CDH13: variants seen among roughly 807,000 people sequenced by gnomAD.
The protein encoded by CDH13 is cadherin-13.
CDH13 carries 24 observed loss-of-function variants against 63.8 expected under a neutral mutation model. The observed-to-expected ratio is 0.38, with a 90% CI of 0.27 to 0.53. CDH13 has a LOEUF of 0.53. CDH13 is among the 20% of genes least tolerant of loss of function. The pLI, the probability that CDH13 is intolerant of heterozygous loss-of-function variation, is 0.85. For missense variants in CDH13, 1,049 were observed against 903.1 expected (o/e 1.16, Z -2.07); for synonymous variants, 503 against 355.3 (o/e 1.42, Z -4.67).
At chr16:83,698,738 G>A (rs764779296) in intron 10 of CDH13, among the ~76,000 whole-genome samples, 2 of 152,234 alleles carry the variant, frequency 1.3e-5, no homozygotes, top group African/African-American at 2.4e-5. Context: ...GTCTTGCCCT[G>A]TATTGTCTTC....
chr16:83,527,365 C>T (rs1353651927), intron 7 of CDH13, among the ~76,000 whole-genome samples: 3 of 151,716 alleles, frequency 2.0e-5, no homozygotes, highest in African/African-American at 2.4e-5. Context: ...AGGAGAATGG[C>T]GTGAACCCAG....
At chr16:82,913,239 G>C (rs7206771) in intron 2 of CDH13, among the ~76,000 whole-genome samples, 2,361 of 152,140 alleles carry the variant, frequency 0.016, 57 homozygotes, top group African/African-American at 0.054. Flanking sequence ...TTTTCCAAAG[G>C]GCAGGTAGCA....
At position 83,086,251 on chromosome 16, in the gene CDH13, A is replaced by G. The variant is rs142905469; in HGVS notation, c.367-39134A>G. Reference sequence around the variant, plus strand: ...ACAAAACAGTCAAGACATTTCCCCAAGCAAACTCAGAAAAATATTAAGCCT... The same window carrying G: ...ACAAAACAGTCAAGACATTTCCCCAGGCAAACTCAGAAAAATATTAAGCCT... On this transcript the variant is annotated intron_variant, in intron 3 of 13. Coordinates refer to ENST00000567109, the MANE Select transcript of CDH13 (RefSeq NM_001257.5). Among the ~76,000 whole-genome samples, 29 of 152,340 alleles carry G rather than the reference A, an allele frequency of 1.9e-4. No homozygotes were observed. The East Asian group carries it at 5.0e-3, about 26-fold the overall frequency.
chr16:82,669,892 C>T (rs950080421), intron 1 of CDH13, among the ~76,000 whole-genome samples: 1 of 152,208 alleles, frequency 6.6e-6, no homozygotes, highest in Non-Finnish European at 1.5e-5. Context: ...AAATATTTCT[C>T]CTGGCCCCAT....
chr16:83,109,373 C>G (rs1236650337), intron 3 of CDH13, among the ~76,000 whole-genome samples: 1 of 152,116 alleles, frequency 6.6e-6, no homozygotes, highest in Admixed American at 6.5e-5. Flanking sequence ...TGCAGGAAAC[C>G]CCATGGCTTT....
intron 4 of CDH13, among the ~76,000 whole-genome samples, chr16:83,167,651 C>T (rs1460102562): frequency 6.6e-6 from 1 of 151,746 alleles, no homozygotes. Flanking sequence ...CCAAAGCTCT[C>T]GTATCAATTC....
chr16:83,308,363 G>A lies in CDH13; in HGVS notation c.637-36499G>A, dbSNP rs545708965. Among the ~76,000 whole-genome samples the A allele has an allele frequency of 3.9e-3, 588 of 152,246 alleles. 3 individuals carry two copies. Among genetic ancestry groups the A allele is most frequent in the African/African-American group, 0.013 (547 of 41,556 alleles). ...TTGATCGAGAAAATATAAATGATGA[G>A]GCTAAACTCATATTTGAGATGTTCT... is the stretch of plus-strand genomic sequence containing the variant. On this transcript the variant is annotated intron_variant, in intron 5 of 13. Transcript: ENST00000567109.
At chr16:83,340,293 T>C (rs2090692613) in intron 5 of CDH13, among the ~76,000 whole-genome samples, 1 of 123,244 alleles carries the variant, frequency 8.1e-6, no homozygotes, top group East Asian at 2.5e-4. Context: ...TACATATGTC[T>C]GCCTACATCT....
chr16:83,217,317 T>A, intron 4 of CDH13, 28 bp from the exon 5 acceptor site: 1 of 1,613,076 alleles, frequency 6.2e-7, no homozygotes, highest in Non-Finnish European at 8.5e-7. Flanking sequence ...CCAGGCAGTT[T>A]TAAATGTCTC....
chr16:83,496,352 G>A (rs1259656875), intron 7 of CDH13, among the ~76,000 whole-genome samples: 9 of 149,120 alleles, frequency 6.0e-5, no homozygotes, highest in East Asian at 2.0e-4. Flanking sequence ...CAGAAATAAC[G>A]CCGCATATCT....
intron 2 of CDH13, among the ~76,000 whole-genome samples, chr16:82,878,079 A>G (rs1244686859): frequency 6.6e-6 from 1 of 152,098 alleles, no homozygotes; most frequent in African/African-American, 2.4e-5. Flanking sequence ...ATGTCTTCCC[A>G]TATCATAATG....
intron 6 of CDH13, among the ~76,000 whole-genome samples, chr16:83,389,250 A>G (rs2091737924): frequency 6.6e-6 from 1 of 152,230 alleles, no homozygotes; most frequent in Non-Finnish European, 1.5e-5. Flanking sequence ...TAAAACTATA[A>G]AATTGCCATA....
chr16:83,091,464 G>A (rs1178643608), intron 3 of CDH13, among the ~76,000 whole-genome samples: 6 of 152,262 alleles, frequency 3.9e-5, no homozygotes, highest in East Asian at 1.9e-4. Context: ...TACATTTTAT[G>A]TCTACAGAGA....
chr16:82,803,747 C>A (rs918325117), intron 1 of CDH13, among the ~76,000 whole-genome samples: 1 of 151,468 alleles, frequency 6.6e-6, no homozygotes, highest in African/African-American at 2.4e-5. Context: ...CTGCAGGATT[C>A]CACTTATATG....
intron 5 of CDH13, among the ~76,000 whole-genome samples, chr16:83,291,820 C>A (rs1425132510): frequency 6.6e-6 from 1 of 152,184 alleles, no homozygotes; most frequent in Admixed American, 6.5e-5. Context: ...CCCCTTAATT[C>A]ATCTTGTACG....
intron 10 of CDH13, among the ~76,000 whole-genome samples, chr16:83,697,797 G>A (rs1452771999): frequency 2.0e-5 from 3 of 152,138 alleles, no homozygotes; most frequent in Admixed American, 6.5e-5. Flanking sequence ...ACAGGCATGC[G>A]CCACCATGCC....
chr16:83,787,024 T>C (rs1915930776), intron 13 of CDH13, among the ~76,000 whole-genome samples: 1 of 152,232 alleles, frequency 6.6e-6, no homozygotes. Context: ...CATGTGTGTG[T>C]CCAGATGTTT....
At chr16:83,292,785 G>A (rs1039683214) in intron 5 of CDH13, among the ~76,000 whole-genome samples, 4 of 152,136 alleles carry the variant, frequency 2.6e-5, no homozygotes, top group African/African-American at 4.8e-5. Context: ...GAGCTTGAAC[G>A]ATTATATTAG....
Position 83,388,045 on chromosome 16 carries a change from C to T in CDH13, c.781+43039C>T, listed in dbSNP as rs189741586. On this transcript the variant is annotated intron_variant, in intron 6 of 13. Coordinates refer to ENST00000567109, the MANE Select transcript of CDH13 (RefSeq NM_001257.5). The stretch of plus-strand genomic sequence containing the variant: ...GGACTGGGGTAAAAGACCTCCTAGA[C>T]ATGACACCTACTCTGACAGAGACCA... Among the ~76,000 whole-genome samples the T allele has an allele frequency of 9.9e-5, 15 of 152,248 alleles. No homozygotes were observed. In the East Asian group the frequency reaches 2.5e-3, roughly 25 times the overall value.
Sources: allele counts gnomAD v4.1 joint callset (sites outside exome capture counted in the v4.1 genomes callset), GRCh38; gene constraint gnomAD v4.1.1; transcripts MANE v1.5; gene names NCBI Gene and HGNC (gene_info 2026-07-23, HGNC 2026-07-21).